The following GLS variants were observed in gnomAD, a reference collection of about 807,000 sequenced individuals.
GLS encodes the protein glutaminase kidney isoform, mitochondrial.
GLS carries 36 observed loss-of-function variants against 86.7 expected under a neutral mutation model. The observed-to-expected ratio is 0.42, with a 90% CI of 0.32 to 0.55. The LOEUF is 0.55. GLS is among the 20% of genes least tolerant of loss of function. The pLI, the probability that GLS is intolerant of heterozygous loss-of-function variation, is 0.17. For missense variants in GLS, 528 were observed against 833.4 expected (o/e 0.63, Z 4.51); for synonymous variants, 317 against 305.9 (o/e 1.04, Z -0.38).
At chr2:190,950,512 A>G (rs564843682) in intron 14 of GLS, among the ~76,000 whole-genome samples, 67 of 152,334 alleles carry the variant, frequency 4.4e-4, no homozygotes, top group African/African-American at 1.5e-3. Flanking sequence ...AATAGAATCA[A>G]GGACTACCCC....
rs1029055098 is a variant in GLS, at chr2:190,924,869, C to G, written c.1248+276C>G. 3.3e-6 allele frequency: 1 copy of G among 298,916 alleles called. No individual in the cohort carries two copies. Among genetic ancestry groups the G allele is most frequent in the African/African-American group, 2.2e-5 (1 of 45,988 alleles). The allele number at this position is 298,916 out of a possible 1,614,324, so 18.5% of individuals were successfully genotyped here. A position where few individuals can be genotyped will look rare whatever the true frequency, so the allele number is the denominator to read the frequency against. ...GGCCGAGGTTGCAGTGAGCCGAGAT[C>G]ACGCCACTGCATTCCAGCCTGGCGA... On this transcript the variant is annotated intron_variant, in intron 11 of 17. Transcript: ENST00000320717. The surrounding 1 kb of genome is among the most constrained non-coding windows in gnomAD (Gnocchi z 5.2).
At position 190,930,409 on chromosome 2, in the gene GLS, G is replaced by T; in HGVS notation, c.1426-28G>T. 1 of 1,548,942 alleles carries T rather than the reference G, an allele frequency of 6.5e-7. No individual in the cohort carries two copies. The highest frequency in any genetic ancestry group is 1.1e-5 in the South Asian group (1 of 89,392). On this transcript the variant is annotated intron_variant, in intron 12 of 17. Transcript: ENST00000320717. The surrounding 1 kb of genome is among the most constrained non-coding windows in gnomAD (Gnocchi z 5.0). ...ATTTCTTATTTTAAAATGTTTACCTGAATACTCTTTTACTGAATTATTTTT... is the reference window on the plus strand; with the variant it reads ...ATTTCTTATTTTAAAATGTTTACCTTAATACTCTTTTACTGAATTATTTTT...
chr2:190,953,986 G>A lies in GLS; in HGVS notation c.1712+360G>A, dbSNP rs550509270. 7.6e-4 allele frequency among the ~76,000 whole-genome samples: 114 copies of A among 150,552 alleles called. No homozygotes were observed. Among genetic ancestry groups the A allele is most frequent in the African/African-American group, 2.6e-3 (104 of 40,236 alleles). ...TGTGTGTGTGTGTGTGTGTGTGTGT[G>A]TGTGTGTGTGAAGCAGCTGGGGGGT... On this transcript the variant is annotated intron_variant, in intron 15 of 17. Transcript: ENST00000320717. This position sits in a 1 kb window ranked among gnomAD's most constrained non-coding sequence, Gnocchi z 4.0.
rs186303757 is a variant in GLS, at chr2:190,882,252, T to G, written c.386+782T>G. ...ATGAAATGTGACGTAATACACTAAC[T>G]CAGTGAAAAATCTGAGTTGAGTAGG... is the stretch of plus-strand genomic sequence containing the variant. On this transcript the variant is annotated intron_variant, in intron 1 of 17. Coordinates refer to ENST00000320717, the MANE Select transcript of GLS (RefSeq NM_014905.5). Among the ~76,000 whole-genome samples the G allele has an allele frequency of 3.7e-3, 561 of 152,336 alleles. 2 individuals are homozygous for G. The highest frequency in any genetic ancestry group is 0.01 in the Middle Eastern group (3 of 294).
At chr2:190,898,203 TTTATTATG>T (rs1225581457) in intron 3 of GLS, among the ~76,000 whole-genome samples, 1 of 152,208 alleles carries the variant, frequency 6.6e-6, no homozygotes, top group African/African-American at 2.4e-5. Context: ...AAATTTCATA[TTTATTATG>T]TTATTTTACA....
In GLS at chr2:190,897,705, G is replaced by A. The variant is rs1053226523; in HGVS notation, c.605+1980G>A. Among the ~76,000 whole-genome samples, 2 of 152,328 alleles carry A rather than the reference G, an allele frequency of 1.3e-5. No individual in the cohort carries two copies. Among genetic ancestry groups the A allele is most frequent in the East Asian group, 1.9e-4 (1 of 5,192 alleles). On this transcript the variant is annotated intron_variant, in intron 3 of 17. Transcript: ENST00000320717. This position sits in a 1 kb window ranked among gnomAD's most constrained non-coding sequence, Gnocchi z 4.3. ...TCAAATATAAGAAGTTACCTAGTTA[G>A]TGTTGCCAGAAATAAACTTCTCCCT...
intron 14 of GLS, chr2:190,932,706 G>A: frequency 6.3e-7 from 1 of 1,578,872 alleles, no homozygotes; most frequent in Non-Finnish European, 8.6e-7. Flanking sequence ...TATGTTGCTT[G>A]AACAACTAGC....
intron 11 of GLS, among the ~76,000 whole-genome samples, chr2:190,926,091 T>A (rs1263742357): frequency 6.6e-6 from 1 of 152,190 alleles, no homozygotes; most frequent in African/African-American, 2.4e-5. Context: ...GGTACTGACT[T>A]TTTTGGAGAA....
At chr2:190,918,066 C>T (rs1012849969) in intron 7 of GLS, among the ~76,000 whole-genome samples, 33 of 152,116 alleles carry the variant, frequency 2.2e-4, no homozygotes, top group African/African-American at 7.7e-4. Context: ...CTTAAGGACT[C>T]TAGGGTTTTT....
chr2:190,896,984 A>G (rs750423929), intron 3 of GLS, among the ~76,000 whole-genome samples: 5 of 152,088 alleles, frequency 3.3e-5, no homozygotes, highest in African/African-American at 4.8e-5. Context: ...TCTGTTGATA[A>G]TCAGTAGGGG....
chr2:190,928,390 A>G (rs548186649), intron 12 of GLS, among the ~76,000 whole-genome samples: 7 of 148,806 alleles, frequency 4.7e-5, no homozygotes, highest in Admixed American at 2.7e-4. Flanking sequence ...ACTGGAGTGC[A>G]GTGGCACGAT....
chr2:190,908,512 T>C (rs1442310540), intron 6 of GLS, among the ~76,000 whole-genome samples: 1 of 152,256 alleles, frequency 6.6e-6, no homozygotes, highest in African/African-American at 2.4e-5. Context: ...CATGTCCATT[T>C]TGTCAGTATA....
intron 12 of GLS, among the ~76,000 whole-genome samples, chr2:190,929,987 A>G (rs1690047001): frequency 6.6e-6 from 1 of 151,912 alleles, no homozygotes; most frequent in South Asian, 2.1e-4. Flanking sequence ...TTGGGACTAC[A>G]GGCGTGCACT....
rs1372163692 is a variant in GLS at position 190,913,983 on chromosome 2, G to T, written c.1038+3662G>T. On this transcript the variant is annotated intron_variant, in intron 7 of 17. Transcript: ENST00000320717. The surrounding 1 kb of genome is among the most constrained non-coding windows in gnomAD (Gnocchi z 6.1). ...CAGGGCTAATTCTTTATAAAGCTAG[G>T]GTCTTGCCATATTGCCCAGGCTGGT... Among the ~76,000 whole-genome samples the T allele has an allele frequency of 6.6e-6, 1 of 151,898 alleles. No homozygotes were observed. Among genetic ancestry groups the T allele is most frequent in the Non-Finnish European group, 1.5e-5 (1 of 67,970 alleles).
Position 190,895,467 on chromosome 2 carries a change from A to G in GLS, c.484-137A>G. ...GAAACTTGTCCAGAAAGTGGGTAAT[A>G]GTGACACTAAGATGCCATATTCATG... On this transcript the variant is annotated intron_variant, in intron 2 of 17. Coordinates refer to ENST00000320717, the MANE Select transcript of GLS (RefSeq NM_014905.5). The surrounding 1 kb of genome is among the most constrained non-coding windows in gnomAD (Gnocchi z 4.2). 1 of 609,002 alleles carries G rather than the reference A, an allele frequency of 1.6e-6. No homozygotes were observed. Among genetic ancestry groups the G allele is most frequent in the Non-Finnish European group, 2.8e-6 (1 of 354,044 alleles). The allele number at this position is 609,002 out of a possible 1,614,324, so 37.7% of individuals were successfully genotyped here.
intron 14 of GLS, chr2:190,934,281 A>G (rs193151908): frequency 1.0e-6 from 1 of 959,030 alleles, no homozygotes; most frequent in Non-Finnish European, 1.2e-6. Context: ...GCAAATAAAG[A>G]TAGAAAATCT....
At chr2:190,933,081 T>G (rs1690160727) in intron 14 of GLS, 1 of 990,094 alleles carries the variant, frequency 1.0e-6, no homozygotes, top group African/African-American at 1.7e-5. Context: ...TACATAAATT[T>G]GCTTTATTTT....
Position 190,954,747 on chromosome 2 carries a change from C to T in GLS, c.1790-8C>T, listed in dbSNP as rs200216686. 727 of 1,613,542 alleles carry T rather than the reference C, an allele frequency of 4.5e-4. No individual in the cohort carries two copies. The highest frequency in any genetic ancestry group is 5.8e-4 in the Non-Finnish European group (686 of 1,179,664). Reference sequence around the variant, plus strand: ...ATCTGCTCTTTTTTTGGGGGTGGGACGGTATAGGTCATGTTGAAGTTGTTA... The same window carrying T: ...ATCTGCTCTTTTTTTGGGGGTGGGATGGTATAGGTCATGTTGAAGTTGTTA... On this transcript the variant is annotated splice_region_variant and splice_polypyrimidine_tract_variant and intron_variant, in intron 16 of 17. Coordinates refer to ENST00000320717, the MANE Select transcript of GLS (RefSeq NM_014905.5). The surrounding 1 kb of genome is among the most constrained non-coding windows in gnomAD (Gnocchi z 4.0).
At chr2:190,881,659 A>C in intron 1 of GLS, 189 bp downstream of exon 1, 1 of 552,660 alleles carries the variant, frequency 1.8e-6, no homozygotes, top group Non-Finnish European at 3.0e-6. Flanking sequence ...CCCCGCCCGC[A>C]ACCCTCCGCC....
Sources: gnomAD v4.1 joint callset for allele counts (sites outside exome capture counted in the v4.1 genomes callset) on GRCh38, gnomAD v4.1.1 for gene constraint, Gnocchi (gnomAD v3.1) non-coding constraint, MANE v1.5 for transcripts, NCBI Gene and HGNC (gene_info 2026-07-23, HGNC 2026-07-21) for gene names.